The following COMMD6 variants were observed in gnomAD, a reference collection of about 807,000 sequenced individuals.
The protein encoded by COMMD6 is COMM domain containing 6, also known as COMM domain-containing protein 6.
COMMD6 carries 11 observed loss-of-function variants against 13.4 expected under a neutral mutation model. The observed-to-expected ratio is 0.82, with a 90% CI of 0.52 to 1.36. COMMD6 has a LOEUF of 1.36. Among genes scored for constraint, COMMD6 ranks in the 40% most tolerant of loss-of-function variants. COMMD6 has a pLI of 0.00. For missense variants in COMMD6, 124 were observed against 102.4 expected (o/e 1.21, Z -0.91); for synonymous variants, 43 against 36.5 (o/e 1.18, Z -0.64).
At chr13:75,543,040 A>T (rs1395957191), upstream of COMMD6, among the ~76,000 whole-genome samples, 1 of 152,266 alleles carries the variant, frequency 6.6e-6, no homozygotes, top group Non-Finnish European at 1.5e-5. Context: ...AGCAACATGG[A>T]TGGGGCTGAA....
chr13:75,528,303 T>A (rs1334950543), intron 3 of COMMD6, among the ~76,000 whole-genome samples: 3 of 152,048 alleles, frequency 2.0e-5, no homozygotes, highest in Non-Finnish European at 1.5e-5. Context: ...TAATAACAAT[T>A]AGGCCAGCAC....
chr13:75,541,905 C>T (rs1242041106), upstream of COMMD6, among the ~76,000 whole-genome samples: 2 of 152,110 alleles, frequency 1.3e-5, no homozygotes, highest in Non-Finnish European at 2.9e-5. Flanking sequence ...GACAGAGGCT[C>T]TCTAAAAGAA....
Position 75,526,730 on chromosome 13 carries a change from T to C in COMMD6, c.208-91A>G, listed in dbSNP as rs1295704855. The C allele has an allele frequency of 5.1e-6, 4 of 787,872 alleles. No homozygotes were observed. In the African/African-American group the frequency reaches 7.1e-5, roughly 14 times the overall value. The allele number at this position is 787,872 out of a possible 1,614,324, so 48.8% of individuals were successfully genotyped here. On this transcript the variant is annotated intron_variant, in intron 3 of 3. Transcript: ENST00000682242. ...TTATATCTGACTACCGGAGACTATA[T>C]AACATATTAAGTTTGCATTTTAGTG... is the stretch of plus-strand genomic sequence containing the variant.
upstream of COMMD6, among the ~76,000 whole-genome samples, chr13:75,539,557 T>A (rs2030790764): frequency 6.6e-6 from 1 of 152,172 alleles, no homozygotes. Context: ...TCTTTCTATC[T>A]TAAGGTACAT....
chr13:75,545,282 C>T (rs2030889532), intron 1 of COMMD6, among the ~76,000 whole-genome samples: 1 of 152,204 alleles, frequency 6.6e-6, no homozygotes, highest in Admixed American at 6.5e-5. Context: ...CGCCCAACCC[C>T]ACAGCCCTAG....
chr13:75,537,308 TAGAGACTA>T (rs1649777011), intron 2 of COMMD6: 1 of 1,546,592 alleles, frequency 6.5e-7, no homozygotes, highest in Non-Finnish European at 8.7e-7. Context: ...AAAAATAACT[TAGAGACTA>T]AGAAAATGTT....
upstream of COMMD6, among the ~76,000 whole-genome samples, chr13:75,543,314 C>A (rs1484462069): frequency 6.6e-6 from 1 of 151,772 alleles, no homozygotes; most frequent in Non-Finnish European, 1.5e-5. Context: ...ATACATGTAT[C>A]CCCTTAACCT....
chr13:75,537,198 G>A (rs1260261458), intron 2 of COMMD6, among the ~76,000 whole-genome samples: 1 of 152,226 alleles, frequency 6.6e-6, no homozygotes, highest in Non-Finnish European at 1.5e-5. Flanking sequence ...AGCAGCACTT[G>A]AAACAGAAAT....
At chr13:75,539,432 G>T (rs759012596), upstream of COMMD6, among the ~76,000 whole-genome samples, 1 of 152,054 alleles carries the variant, frequency 6.6e-6, no homozygotes, top group African/African-American at 2.4e-5. Context: ...TAGAGATGGG[G>T]TCTCTCCATA....
intron 1 of COMMD6, among the ~76,000 whole-genome samples, chr13:75,546,070 T>C (rs1210875739): frequency 1.3e-5 from 2 of 152,232 alleles, no homozygotes; most frequent in African/African-American, 4.8e-5. Flanking sequence ...TTTCACTCTG[T>C]ATGCCTATAC....
At chr13:75,528,930 G>A (rs996294929) in intron 3 of COMMD6, among the ~76,000 whole-genome samples, 1 of 151,856 alleles carries the variant, frequency 6.6e-6, no homozygotes, top group African/African-American at 2.4e-5. Flanking sequence ...GAAATCAAAA[G>A]TATCATAAAG....
chr13:75,528,545 C>T (rs1219879395), intron 3 of COMMD6, among the ~76,000 whole-genome samples: 2 of 152,086 alleles, frequency 1.3e-5, no homozygotes, highest in Non-Finnish European at 2.9e-5. Flanking sequence ...TGGTGGCTCA[C>T]GCCTGTAATT....
intron 3 of COMMD6, 200 bp downstream of exon 3, chr13:75,529,914 A>C (rs1327103402): frequency 9.4e-6 from 5 of 529,370 alleles, no homozygotes; most frequent in Non-Finnish European, 1.7e-5. Flanking sequence ...ACACAACTTC[A>C]GCACATTATA....
At chr13:75,534,486 T>C (rs2030594477) in intron 2 of COMMD6, among the ~76,000 whole-genome samples, 1 of 152,146 alleles carries the variant, frequency 6.6e-6, no homozygotes, top group South Asian at 2.1e-4. Context: ...ATAAGTGTGG[T>C]TTCACCTTAA....
chr13:75,539,350 T>C (rs1015187349), upstream of COMMD6, among the ~76,000 whole-genome samples: 1 of 152,114 alleles, frequency 6.6e-6, no homozygotes, highest in African/African-American at 2.4e-5. Context: ...ACAATTCTCC[T>C]GCCTCAGCCT....
intron 1 of COMMD6, among the ~76,000 whole-genome samples, chr13:75,545,014 C>T (rs1307392863): frequency 2.0e-5 from 3 of 151,152 alleles, no homozygotes; most frequent in African/African-American, 7.3e-5. Context: ...GATTTCTGAT[C>T]AAGTGTGGAG....
At position 75,546,861 on chromosome 13, in the gene COMMD6, G is replaced by A. The variant is rs572175984; in HGVS notation, n.106+2462C>T. On this transcript the variant is annotated intron_variant and non_coding_transcript_variant, in intron 1 of 2. Coordinates refer to the COMMD6 transcript ENST00000460675. ...TTAGTTGATGATCTATAAAGTTGCC[G>A]TGAACACTGAATTAGCAAATACTAA... 1.2e-3 allele frequency among the ~76,000 whole-genome samples: 188 copies of A among 152,318 alleles called. 1 individual carries two copies. Among genetic ancestry groups the A allele is most frequent in the African/African-American group, 4.3e-3 (179 of 41,576 alleles).
upstream of COMMD6, among the ~76,000 whole-genome samples, chr13:75,539,332 A>G (rs1209889530): frequency 6.6e-6 from 1 of 151,856 alleles, no homozygotes; most frequent in Non-Finnish European, 1.5e-5. Context: ...TCTGCCTCCC[A>G]GGTTCAAACA....
upstream of COMMD6, among the ~76,000 whole-genome samples, chr13:75,540,444 T>A (rs571583263): frequency 3.2e-4 from 48 of 152,170 alleles, no homozygotes; most frequent in East Asian, 1.9e-4. Context: ...AGGTATTTTT[T>A]GTTATTTCTT....
Sources: gnomAD v4.1 joint callset for allele counts (sites outside exome capture counted in the v4.1 genomes callset) on GRCh38, gnomAD v4.1.1 for gene constraint, MANE v1.5 for transcripts, NCBI Gene and HGNC (gene_info 2026-07-23, HGNC 2026-07-21) for gene names.